Variants in FAM135A observed in about 807,000 individuals in gnomAD.
The protein encoded by FAM135A is family with sequence similarity 135 member A.
FAM135A carries 79 observed loss-of-function variants against 146.8 expected under a neutral mutation model. The ratio of observed to expected loss-of-function variants is 0.54; its 90% CI spans 0.45 to 0.65. The LOEUF is 0.65. Among genes scored for constraint, FAM135A ranks in the 30% least tolerant of loss-of-function variants. FAM135A has a pLI of 0.00. For synonymous variants in FAM135A, 562 were observed against 603.6 expected, an observed-to-expected ratio of 0.93 and a Z score of 1.01; for missense variants, 1,623 against 1,758.2, an observed-to-expected ratio of 0.92 and a Z score of 1.38.
intron 5 of FAM135A, among the ~76,000 whole-genome samples, chr6:70,464,833 ATTTTTTTTTTT>A (rs67408160): frequency 3.3e-4 from 21 of 64,322 alleles, no homozygotes; most frequent in Admixed American, 6.1e-4. Flanking sequence ...CGCCTGGCCA[ATTTTTTTTTTT>A]TTTTTTTTTT....
chr6:70,510,577 AC>A (rs1790769865), intron 12 of FAM135A, among the ~76,000 whole-genome samples: 1 of 152,026 alleles, frequency 6.6e-6, no homozygotes, highest in Non-Finnish European at 1.5e-5. Flanking sequence ...ACCAAGTTTC[AC>A]CCATGTTTTA....
intron 11 of FAM135A, among the ~76,000 whole-genome samples, chr6:70,493,148 G>T (rs1786410718): frequency 6.6e-6 from 1 of 151,834 alleles, no homozygotes; most frequent in Non-Finnish European, 1.5e-5. Context: ...CATGAAGCTT[G>T]ATACTGTTTG....
At chr6:70,418,338 A>G (rs978728988) in intron 2 of FAM135A, 1 of 152,106 alleles carries the variant, frequency 6.6e-6, no homozygotes, top group Non-Finnish European at 1.5e-5. Flanking sequence ...TTATTTATTT[A>G]TTTATTTATT....
At chr6:70,554,758 G>A (rs951843367) in intron 20 of FAM135A, among the ~76,000 whole-genome samples, 11 of 152,164 alleles carry the variant, frequency 7.2e-5, no homozygotes, top group African/African-American at 2.4e-4. Context: ...CTCCTGAGTA[G>A]TTAGGATTAT....
intron 19 of FAM135A, among the ~76,000 whole-genome samples, chr6:70,537,350 A>G (rs1796982338): frequency 1.3e-5 from 2 of 152,066 alleles, no homozygotes; most frequent in Admixed American, 6.6e-5. Flanking sequence ...GTCTCTTTTC[A>G]TTGATCCCTG....
At chr6:70,454,176 A>G (rs1227996604) in intron 5 of FAM135A, among the ~76,000 whole-genome samples, 1 of 152,126 alleles carries the variant, frequency 6.6e-6, no homozygotes, top group Admixed American at 6.5e-5. Context: ...GCATTTTTTC[A>G]TGTGTCTGTT....
rs537028191 is a variant in FAM135A, at chr6:70,514,760, G to A, written c.1030-7753G>A. 3.3e-5 allele frequency among the ~76,000 whole-genome samples: 5 copies of A among 152,272 alleles called. No individual in the cohort carries two copies. In the South Asian group the frequency reaches 6.2e-4, roughly 19 times the overall value. ...AGATGAGTTAAAAACTCCTGGCAGGGGTGAGGGAGGTCTTAGGGGATCCCA... is the reference window on the plus strand; with the variant it reads ...AGATGAGTTAAAAACTCCTGGCAGGAGTGAGGGAGGTCTTAGGGGATCCCA... On this transcript the variant is annotated intron_variant, in intron 12 of 21. Coordinates refer to ENST00000418814, the MANE Select transcript of FAM135A (RefSeq NM_001162529.3).
intron 12 of FAM135A, among the ~76,000 whole-genome samples, chr6:70,518,549 G>A (rs1262893833): frequency 6.6e-6 from 1 of 152,204 alleles, no homozygotes; most frequent in Non-Finnish European, 1.5e-5. Flanking sequence ...GACTTTCATA[G>A]CTAGAAAAGA....
At chr6:70,455,809 C>T (rs993942017) in intron 5 of FAM135A, among the ~76,000 whole-genome samples, 1 of 150,174 alleles carries the variant, frequency 6.7e-6, no homozygotes, top group African/African-American at 2.5e-5. Flanking sequence ...TATGTTTGTT[C>T]CTTATTATTA....
At chr6:70,543,319 A>G (rs1178801700) in intron 20 of FAM135A, among the ~76,000 whole-genome samples, 2 of 152,120 alleles carry the variant, frequency 1.3e-5, no homozygotes, top group Non-Finnish European at 2.9e-5. Flanking sequence ...CTCTTGAAAT[A>G]TTTGATATTA....
intron 4 of FAM135A, among the ~76,000 whole-genome samples, chr6:70,445,971 A>G (rs1015959454): frequency 1.3e-5 from 2 of 152,338 alleles, no homozygotes; most frequent in South Asian, 4.1e-4. Context: ...AGACTATACA[A>G]AGACAAACAA....
intron 3 of FAM135A, among the ~76,000 whole-genome samples, chr6:70,427,533 CA>C (rs55796657): frequency 0.28 from 23,625 of 85,646 alleles, 1,505 homozygotes; most frequent in Middle Eastern, 0.37. Context: ...CTCTGTCTCA[CA>C]AAAAAAAAAA....
intron 5 of FAM135A, among the ~76,000 whole-genome samples, chr6:70,462,614 G>T (rs1317338242): frequency 6.6e-6 from 1 of 151,324 alleles, no homozygotes; most frequent in East Asian, 1.9e-4. Flanking sequence ...CAAGAAATCA[G>T]CCCAGGTTGG....
chr6:70,452,860 A>T (rs1777430995), intron 5 of FAM135A, among the ~76,000 whole-genome samples: 1 of 152,190 alleles, frequency 6.6e-6, no homozygotes, highest in Non-Finnish European at 1.5e-5. Flanking sequence ...CTAAAAAGAT[A>T]CGCAGTAAAT....
intron 5 of FAM135A, 119 bp downstream of exon 5, chr6:70,452,690 A>G (rs1188662198): frequency 9.7e-6 from 6 of 617,342 alleles, no homozygotes; most frequent in Non-Finnish European, 7.9e-6. Flanking sequence ...TATGATAACC[A>G]TTGTAAGAAA....
chr6:70,457,137 T>G (rs1582254230), intron 5 of FAM135A, among the ~76,000 whole-genome samples: 1 of 152,200 alleles, frequency 6.6e-6, no homozygotes, highest in African/African-American at 2.4e-5. Flanking sequence ...AAATGTCCTT[T>G]CTGTGTTTTC....
intron 5 of FAM135A, among the ~76,000 whole-genome samples, chr6:70,459,469 AAT>A (rs1469235861): frequency 6.6e-6 from 1 of 152,172 alleles, no homozygotes; most frequent in Non-Finnish European, 1.5e-5. Context: ...CATGAAAGAC[AAT>A]GAGTATTTAT....
At chr6:70,467,419 T>C (rs1233258965) in intron 5 of FAM135A, among the ~76,000 whole-genome samples, 2 of 152,114 alleles carry the variant, frequency 1.3e-5, no homozygotes, top group East Asian at 1.9e-4. Context: ...TGGCACATAA[T>C]GCTGTACCTT....
intron 11 of FAM135A, among the ~76,000 whole-genome samples, chr6:70,496,086 T>G (rs1179488814): frequency 6.6e-6 from 1 of 152,226 alleles, no homozygotes; most frequent in Non-Finnish European, 1.5e-5. Flanking sequence ...TGAATAGTGC[T>G]GCAATAAACA....
Sources: allele counts gnomAD v4.1 joint callset (sites outside exome capture counted in the v4.1 genomes callset), GRCh38; gene constraint gnomAD v4.1.1; transcripts MANE v1.5; gene names NCBI Gene and HGNC (gene_info 2026-07-23, HGNC 2026-07-21).